The following BMPR2 variants were observed in gnomAD, a reference collection of about 807,000 sequenced individuals.
BMPR2 encodes the protein bone morphogenetic protein receptor type 2.
In BMPR2, 29 loss-of-function variants were observed where a neutral mutation model predicts 100.8. That is an observed-to-expected ratio of 0.29 (90% CI 0.21 to 0.39). The LOEUF (loss-of-function observed/expected upper bound fraction) is 0.39, where lower values mean the gene tolerates loss of function less well. BMPR2 is among the 10% of genes least tolerant of loss of function. The probability of loss-of-function intolerance (pLI) is 1.00; values close to 1 mark genes in which losing one functional copy is unlikely to be tolerated. For synonymous variants in BMPR2, 382 were observed against 442.3 expected, an observed-to-expected ratio of 0.86 and a Z score of 1.71; for missense variants, 1,011 against 1,274.5, an observed-to-expected ratio of 0.79 and a Z score of 3.15.
intron 3 of BMPR2, among the ~76,000 whole-genome samples, chr2:202,504,030 C>CA (rs1687463691): frequency 6.6e-6 from 1 of 152,058 alleles, no homozygotes. Flanking sequence ...TTTGTGTCGA[C>CA]ACTCTGTATC....
At chr2:202,391,981 C>T (rs551424450) in intron 1 of BMPR2, among the ~76,000 whole-genome samples, 143 of 151,914 alleles carry the variant, frequency 9.4e-4, no homozygotes, top group Non-Finnish European at 1.8e-3. Context: ...GGGATGGTCT[C>T]GTTCTCTTGA....
At chr2:202,510,882 T>G (rs1687608813) in intron 3 of BMPR2, among the ~76,000 whole-genome samples, 1 of 152,066 alleles carries the variant, frequency 6.6e-6, no homozygotes, top group Admixed American at 6.6e-5. Flanking sequence ...GGTTTCACCA[T>G]GTTGGTCAGG....
intron 1 of BMPR2, among the ~76,000 whole-genome samples, chr2:202,416,600 AT>A (rs896444925): frequency 6.8e-6 from 1 of 146,588 alleles, no homozygotes; most frequent in African/African-American, 2.5e-5. Flanking sequence ...TAATTTTTGT[AT>A]TTTTAGTAGA....
intron 1 of BMPR2, among the ~76,000 whole-genome samples, chr2:202,423,566 AGT>A (rs1691314962): frequency 6.7e-6 from 1 of 150,250 alleles, no homozygotes; most frequent in Admixed American, 6.6e-5. Context: ...GCCTAGGCAC[AGT>A]GGCAAGACCC....
chr2:202,470,750 G>A (rs1316234965), intron 3 of BMPR2, among the ~76,000 whole-genome samples: 7 of 137,334 alleles, frequency 5.1e-5, no homozygotes, highest in East Asian at 2.2e-4. Context: ...CGGCCTGGGC[G>A]ACAGAGCGAG....
At chr2:202,409,655 A>G (rs1351419787) in intron 1 of BMPR2, among the ~76,000 whole-genome samples, 2 of 152,256 alleles carry the variant, frequency 1.3e-5, no homozygotes, top group African/African-American at 4.8e-5. Context: ...AAAAAGGTAT[A>G]TAAACAATAA....
intron 3 of BMPR2, among the ~76,000 whole-genome samples, chr2:202,501,695 G>A (rs1378591073): frequency 2.0e-5 from 3 of 152,214 alleles, no homozygotes; most frequent in Middle Eastern, 3.2e-3. Flanking sequence ...TACTCATGAT[G>A]TAAATGGCAT....
intron 1 of BMPR2, among the ~76,000 whole-genome samples, chr2:202,387,039 T>G (rs1690444366): frequency 6.6e-6 from 1 of 152,146 alleles, no homozygotes; most frequent in South Asian, 2.1e-4. Context: ...ACTATTGTCT[T>G]CCCATCTCAT....
chr2:202,393,819 T>TA (rs1312215041), intron 1 of BMPR2, among the ~76,000 whole-genome samples: 1 of 150,222 alleles, frequency 6.7e-6, no homozygotes, highest in Non-Finnish European at 1.5e-5. Context: ...TTTTACTTAT[T>TA]TAGGTCACTA....
At chr2:202,421,291 A>G (rs1479388478) in intron 1 of BMPR2, among the ~76,000 whole-genome samples, 6 of 149,590 alleles carry the variant, frequency 4.0e-5, no homozygotes, top group Non-Finnish European at 8.9e-5. Context: ...CCTGGACAAT[A>G]AGACCACATC....
At position 202,563,523 on chromosome 2, in the gene BMPR2, A is replaced by G. The variant is rs1353319185; in HGVS notation, c.*3577A>G. On this transcript the variant is annotated 3_prime_UTR_variant, in exon 13 of 13. Transcript: ENST00000374580. ...AACCACATACCTTAATGATTTGGGAAGTTAGGCAAATATGAGATATGTAGA... is the reference window on the plus strand; with the variant it reads ...AACCACATACCTTAATGATTTGGGAGGTTAGGCAAATATGAGATATGTAGA... 6.6e-6 allele frequency: 1 copy of G among 152,204 alleles called. No individual in the cohort carries two copies. The highest frequency in any genetic ancestry group is 2.4e-5 in the African/African-American group (1 of 41,462). 9.4% of individuals were successfully genotyped at this position (152,204 alleles called of 1,614,324 possible). A position where few individuals can be genotyped will look rare whatever the true frequency, so the allele number is the denominator to read the frequency against.
chr2:202,482,255 C>A (rs1559051670), intron 3 of BMPR2, among the ~76,000 whole-genome samples: 1 of 152,098 alleles, frequency 6.6e-6, no homozygotes, highest in Non-Finnish European at 1.5e-5. Context: ...TACCTCTTGG[C>A]TATTATGAAT....
intron 1 of BMPR2, among the ~76,000 whole-genome samples, chr2:202,388,382 G>A (rs1486265813): frequency 1.6e-5 from 2 of 121,878 alleles, no homozygotes; most frequent in Non-Finnish European, 3.2e-5. Context: ...GGGTGACAGA[G>A]CGAGACTCCA....
intron 9 of BMPR2, among the ~76,000 whole-genome samples, chr2:202,541,738 TA>T (rs1348703223): frequency 1.3e-5 from 2 of 152,190 alleles, no homozygotes; most frequent in African/African-American, 2.4e-5. Context: ...AGAAACCATT[TA>T]AAAATACCTA....
chr2:202,377,548 C>T lies in BMPR2; in HGVS notation c.74C>T (p.Ala25Val). The T allele has an allele frequency of 1.9e-6, 3 of 1,614,146 alleles. No individual in the cohort carries two copies. Among genetic ancestry groups the T allele is most frequent in the South Asian group, 1.1e-5 (1 of 91,090 alleles). Residue 25 changes from alanine (A) to valine (V), a missense_variant and splice_region_variant, in exon 1 of 13, where the codon GCT (alanine) becomes GTT (valine). Transcript: ENST00000374580. ...PWTILLVSTA[A>V]ASQNQERLCA... is the part of the protein sequence containing the mutation. ...ACCATCCTGCTGGTCAGCACTGCGGCTGGTGAGTAGCTCCGGCCGGCACGT... is the reference window on the plus strand; with the variant it reads ...ACCATCCTGCTGGTCAGCACTGCGGTTGGTGAGTAGCTCCGGCCGGCACGT...
At chr2:202,537,237 A>G (rs1219685464) in intron 9 of BMPR2, among the ~76,000 whole-genome samples, 1 of 152,172 alleles carries the variant, frequency 6.6e-6, no homozygotes. Context: ...ACAGTTTGGT[A>G]ATTTCTTTGT....
chr2:202,381,968 G>A (rs549352736), intron 1 of BMPR2, among the ~76,000 whole-genome samples: 2 of 151,474 alleles, frequency 1.3e-5, no homozygotes, highest in Admixed American at 6.6e-5. Context: ...TGGAATCTGT[G>A]TGAATCAGTT....
intron 8 of BMPR2, among the ~76,000 whole-genome samples, chr2:202,531,548 C>T (rs551296273): frequency 2.6e-5 from 4 of 152,256 alleles, no homozygotes; most frequent in Admixed American, 1.3e-4. Flanking sequence ...CAGTGTGGAA[C>T]GTATCCTTCC....
chr2:202,404,759 T>G (rs1457554412), intron 1 of BMPR2, among the ~76,000 whole-genome samples: 1 of 152,164 alleles, frequency 6.6e-6, no homozygotes, highest in Non-Finnish European at 1.5e-5. Context: ...ACCCAATAGG[T>G]GGTTTTTCAA....
Sources: gnomAD v4.1 joint callset for allele counts (sites outside exome capture counted in the v4.1 genomes callset) on GRCh38, gnomAD v4.1.1 for gene constraint, MANE v1.5 for transcripts, NCBI Gene and HGNC (gene_info 2026-07-23, HGNC 2026-07-21) for gene names.